The following AKAP13 variants were observed in gnomAD, a reference collection of about 807,000 sequenced individuals.
AKAP13 encodes the protein A-kinase anchor protein 13.
A neutral mutation model predicts 264.5 loss-of-function variants in AKAP13; 80 were observed. The ratio of observed to expected loss-of-function variants is 0.30; its 90% confidence interval spans 0.25 to 0.36. The LOEUF (loss-of-function observed/expected upper bound fraction) is 0.36, where lower values mean the gene tolerates loss of function less well. AKAP13 is among the 10% of genes least tolerant of loss of function. AKAP13 has a pLI of 1.00. For synonymous variants in AKAP13, 1,380 were observed against 1,250.2 expected (o/e 1.10, Z -2.19); for missense variants, 3,712 against 3,435.2 (o/e 1.08, Z -2.01).
intron 3 of AKAP13, among the ~76,000 whole-genome samples, chr15:85,527,713 A>G (rs1432195298): frequency 1.3e-5 from 2 of 152,198 alleles, no homozygotes; most frequent in African/African-American, 4.8e-5. Context: ...AAATTTGCAC[A>G]CTACTATTAG....
chr15:85,713,206 T>TC (rs1382918485), intron 19 of AKAP13, among the ~76,000 whole-genome samples: 2 of 152,134 alleles, frequency 1.3e-5, no homozygotes, highest in Non-Finnish European at 2.9e-5. Flanking sequence ...GTTATTTTCT[T>TC]CCCCCCTATG....
intron 30 of AKAP13, 81 bp from the exon 31 acceptor site, chr15:85,734,911 G>T: frequency 1.3e-6 from 2 of 1,531,796 alleles, no homozygotes; most frequent in Non-Finnish European, 1.8e-6. Flanking sequence ...CGTGCTCTTT[G>T]TACGTATCAT....
chr15:85,628,174 A>G (rs536070144), intron 8 of AKAP13, among the ~76,000 whole-genome samples: 3 of 152,316 alleles, frequency 2.0e-5, no homozygotes, highest in East Asian at 3.9e-4. Flanking sequence ...TCATCTTGGG[A>G]TGTCAAGCCT....
chr15:85,582,381 G>T (rs781525992), intron 7 of AKAP13, among the ~76,000 whole-genome samples: 1 of 152,136 alleles, frequency 6.6e-6, no homozygotes, highest in African/African-American at 2.4e-5. Flanking sequence ...TGCAAACCTA[G>T]AAAACAATGC....
chr15:85,740,774 C>A (rs1429898463), intron 34 of AKAP13, among the ~76,000 whole-genome samples: 2 of 60,196 alleles, frequency 3.3e-5, no homozygotes, highest in Non-Finnish European at 7.9e-5. Flanking sequence ...CACACACAAC[C>A]ACCCCCCCCC....
chr15:85,619,739 G>A (rs2081091421), intron 8 of AKAP13: 2 of 1,021,174 alleles, frequency 2.0e-6, no homozygotes, highest in South Asian at 4.5e-5. Context: ...TTTTTTTACT[G>A]GAGTCATTGC....
At chr15:85,483,499 G>A (rs1197284282) in intron 1 of AKAP13, among the ~76,000 whole-genome samples, 7 of 149,402 alleles carry the variant, frequency 4.7e-5, no homozygotes, top group East Asian at 3.8e-4. Context: ...GGTGGCGGGC[G>A]CCTGTAGTCC....
At chr15:85,720,013 G>T (rs1294282556) in intron 23 of AKAP13, among the ~76,000 whole-genome samples, 1 of 152,040 alleles carries the variant, frequency 6.6e-6, no homozygotes, top group East Asian at 1.9e-4. Context: ...CGGATGGATT[G>T]CTTGAAGCCA....
At chr15:85,558,893 T>C (rs1413994655) in intron 5 of AKAP13, among the ~76,000 whole-genome samples, 2 of 152,078 alleles carry the variant, frequency 1.3e-5, no homozygotes, top group South Asian at 2.1e-4. Flanking sequence ...AAAGAAACTT[T>C]TTGACATTTT....
At position 85,580,216 on chromosome 15, in the gene AKAP13, A is replaced by G; in HGVS notation, c.2148A>G (p.Thr716=). The change falls in exon 7 of 37, where the codon ACA becomes ACG. Residue 716 remains threonine (T), a synonymous_variant. Transcript: ENST00000394518. ...ASHCEDPQAH[T]VTSDPVRDTQ... ...ACTGTGAAGACCCACAGGCTCATAC[A>G]GTCACCTCTGACCCTGTAAGGGATA... 3 of 1,614,222 alleles carry G rather than the reference A, an allele frequency of 1.9e-6. No homozygotes were observed. The highest frequency in any genetic ancestry group is 2.5e-6 in the Non-Finnish European group (3 of 1,180,042).
chr15:85,647,072 G>C (rs1284545888), intron 10 of AKAP13, among the ~76,000 whole-genome samples: 1 of 152,190 alleles, frequency 6.6e-6, no homozygotes, highest in East Asian at 1.9e-4. Context: ...GGGTGATTAG[G>C]TTGTCCAAGA....
chr15:85,649,725 A>T (rs1168599979), intron 10 of AKAP13, among the ~76,000 whole-genome samples: 2 of 152,202 alleles, frequency 1.3e-5, no homozygotes, highest in East Asian at 3.8e-4. Context: ...TCTCATGAAT[A>T]TGTGTGGGTT....
At chr15:85,388,212 T>A (rs901258312) in intron 1 of AKAP13, among the ~76,000 whole-genome samples, 7 of 146,288 alleles carry the variant, frequency 4.8e-5, no homozygotes, top group African/African-American at 1.7e-4. Context: ...ATTTTTGTAT[T>A]TTTTTTTTTT....
At chr15:85,686,344 A>T (rs1453661126) in intron 16 of AKAP13, among the ~76,000 whole-genome samples, 2 of 152,250 alleles carry the variant, frequency 1.3e-5, no homozygotes, top group Non-Finnish European at 2.9e-5. Context: ...AGGTGCACTA[A>T]GCTTCTCAAG....
intron 5 of AKAP13, chr15:85,544,184 G>T: frequency 3.0e-6 from 2 of 669,782 alleles, no homozygotes; most frequent in Non-Finnish European, 5.5e-6. Flanking sequence ...CTGCCTGCCT[G>T]CCTTCTTCAA....
chr15:85,739,783 GTGAGC>G (rs1300236577), intron 33 of AKAP13, among the ~76,000 whole-genome samples: 2 of 151,824 alleles, frequency 1.3e-5, no homozygotes, highest in Non-Finnish European at 2.9e-5. Flanking sequence ...TTTTTTGTGT[GTGAGC>G]TAAGATCTCA....
intron 33 of AKAP13, among the ~76,000 whole-genome samples, chr15:85,738,707 G>A (rs866046969): frequency 9.2e-5 from 14 of 151,590 alleles, no homozygotes; most frequent in Middle Eastern, 3.4e-3. Flanking sequence ...GCGCGGTGGC[G>A]GGCGCCTGTA....
At chr15:85,392,158 G>C (rs562379648) in intron 1 of AKAP13, among the ~76,000 whole-genome samples, 245 of 150,098 alleles carry the variant, frequency 1.6e-3, no homozygotes, top group African/African-American at 5.6e-3. Flanking sequence ...CTAGGGTAGT[G>C]GGTTTCATTT....
chr15:85,692,835 A>G (rs62022925), intron 16 of AKAP13, among the ~76,000 whole-genome samples: 25,125 of 152,176 alleles, frequency 0.17, 2,371 homozygotes, highest in Non-Finnish European at 0.22. Flanking sequence ...CCACCCAGGC[A>G]TCTTTTTTTC....
Sources: allele counts gnomAD v4.1 joint callset (sites outside exome capture counted in the v4.1 genomes callset), GRCh38; gene constraint gnomAD v4.1.1; transcripts MANE v1.5; gene names NCBI Gene and HGNC (gene_info 2026-07-23, HGNC 2026-07-21).